Variants in DOCK11 observed in about 807,000 individuals in gnomAD.
DOCK11 encodes dedicator of cytokinesis 11, also known as dedicator of cytokinesis protein 11.
Under a neutral mutation model 169.1 loss-of-function variants are expected in DOCK11, and 70 were observed. The ratio of observed to expected loss-of-function variants is 0.41; its 90% CI spans 0.34 to 0.51. DOCK11 has a LOEUF of 0.51. DOCK11 is among the 20% of genes least tolerant of loss of function. The pLI, the probability that DOCK11 is intolerant of heterozygous loss-of-function variation, is 0.10. For missense variants in DOCK11, 1,166 were observed against 1,538.8 expected (o/e 0.76, Z 4.05); for synonymous variants, 529 against 541.3 (o/e 0.98, Z 0.32).
intron 1 of DOCK11, among the ~76,000 whole-genome samples, chrX:118,529,938 A>C (rs1343707135): frequency 8.9e-6 from 1 of 111,751 alleles, no homozygotes; most frequent in African/African-American, 3.3e-5. Flanking sequence ...ATCACAAGGG[A>C]TCTAATAAGC....
At chrX:118,681,307 G>A (rs2016737798) in intron 50 of DOCK11, 59 bp downstream of exon 50, 3 of 1,022,302 alleles carry the variant, frequency 2.9e-6, no homozygotes, top group Middle Eastern at 2.8e-4. Context: ...GGTTTTATAA[G>A]GGCACAGAGC....
intron 40 of DOCK11, among the ~76,000 whole-genome samples, chrX:118,645,930 C>CGCA (rs2015648916): frequency 9.5e-6 from 1 of 104,865 alleles, no homozygotes; most frequent in Non-Finnish European, 2.0e-5. Flanking sequence ...GTGGCAGGTG[C>CGCA]CTGTAGTCCC....
intron 1 of DOCK11, among the ~76,000 whole-genome samples, chrX:118,515,326 C>A (rs1011384813): frequency 2.7e-5 from 3 of 112,101 alleles, no homozygotes; most frequent in African/African-American, 9.7e-5. Context: ...CTCCGCCTCT[C>A]GAGTTCAAGC....
intron 18 of DOCK11, 94 bp downstream of exon 18, chrX:118,588,572 A>T: frequency 1.5e-6 from 1 of 660,633 alleles, no homozygotes; most frequent in South Asian, 4.4e-5. Flanking sequence ...TTGTATCAAC[A>T]TCAAAAAGAA....
chrX:118,507,590 T>G (rs1213468949), intron 1 of DOCK11, among the ~76,000 whole-genome samples: 2 of 111,839 alleles, frequency 1.8e-5, no homozygotes, highest in African/African-American at 6.5e-5. Flanking sequence ...CCTCAGGTGA[T>G]CCATCCGCCT....
intron 1 of DOCK11, among the ~76,000 whole-genome samples, chrX:118,496,345 G>T (rs1050096296): frequency 4.2e-4 from 47 of 112,089 alleles, no homozygotes; most frequent in African/African-American, 1.4e-3. Context: ...GGAGGCGGAG[G>T]CGGAGGCTCC....
intron 38 of DOCK11, among the ~76,000 whole-genome samples, chrX:118,640,931 T>C (rs1436181550): frequency 9.0e-6 from 1 of 110,805 alleles, no homozygotes; most frequent in Non-Finnish European, 1.9e-5. Context: ...GTAGCTGGGA[T>C]TGTAGGTACG....
intron 40 of DOCK11, among the ~76,000 whole-genome samples, chrX:118,648,363 T>C (rs1340690629): frequency 1.1e-5 from 1 of 94,571 alleles, no homozygotes; most frequent in African/African-American, 3.8e-5. Context: ...GAATGATGGG[T>C]CTCAAATGGG....
intron 6 of DOCK11, among the ~76,000 whole-genome samples, chrX:118,553,959 G>C (rs1380122338): frequency 9.0e-6 from 1 of 111,670 alleles, no homozygotes; most frequent in Non-Finnish European, 1.9e-5. Flanking sequence ...ATATGTGTCA[G>C]ACACTATTGG....
intron 31 of DOCK11, 135 bp downstream of exon 31, chrX:118,618,863 T>C: frequency 1.9e-6 from 1 of 522,597 alleles, no homozygotes; most frequent in Non-Finnish European, 2.8e-6. Context: ...AAATCATAAG[T>C]TGTTTTTTTT....
chrX:118,565,987 A>G lies in DOCK11; in HGVS notation c.694-18A>G. The G allele has an allele frequency of 8.3e-7, 1 of 1,203,197 alleles. No individual in the cohort carries two copies. Among genetic ancestry groups the G allele is most frequent in the Non-Finnish European group, 1.1e-6 (1 of 889,628 alleles). ...GGACAACTAAACTAACTGAACACAT[A>G]CTTTTTCTCCCCTCTAGTGCCCCAA... On this transcript the variant is annotated intron_variant, in intron 7 of 52. Transcript: ENST00000276202.
rs142027402 is a variant in DOCK11 at position 118,523,833 on chromosome X, G to A, written c.103-18892G>A. On this transcript the variant is annotated intron_variant, in intron 1 of 52. Transcript: ENST00000276202. ...GTTCGAAGGCCCATTTTGCAGGGGGGACTGAAGAGAAAGGAAATAAGGGGC... is the reference window on the plus strand; with the variant it reads ...GTTCGAAGGCCCATTTTGCAGGGGGAACTGAAGAGAAAGGAAATAAGGGGC... Among the ~76,000 whole-genome samples the A allele has an allele frequency of 6.9e-3, 768 of 111,575 alleles. 9 individuals are homozygous for A. Among genetic ancestry groups the A allele is most frequent in the African/African-American group, 0.023 (718 of 30,740 alleles).
rs1372943002 is a variant in DOCK11, at chrX:118,643,579, A to G, written c.4383A>G (p.Arg1461=). The G allele has an allele frequency of 8.3e-7, 1 of 1,209,042 alleles. No individual in the cohort carries two copies. Among genetic ancestry groups the G allele is most frequent in the Admixed American group, 2.2e-5 (1 of 45,505 alleles). The change falls in exon 40 of 53, where the codon AGA becomes AGG. Residue 1461 remains arginine (R), a synonymous_variant. Coordinates refer to ENST00000276202, the MANE Select transcript of DOCK11 (RefSeq NM_144658.4). The part of the protein sequence containing the change: ...VSLKHVFASL[R]AFISKFPSAF... ...TGAAACATGTATTTGCCTCACTGAG[A>G]GCTTTCATCAGTAAGGTAAGGACAG...
chrX:118,685,772 C>T lies in DOCK11; in HGVS notation c.6187C>T (p.Arg2063Ter), dbSNP rs780615407. Residue 2063 changes from arginine to a stop codon, truncating the protein, a stop_gained, in exon 53 of 53, where the codon CGA (arginine) becomes TGA (stop). Coordinates refer to ENST00000276202, the MANE Select transcript of DOCK11 (RefSeq NM_144658.4). LOFTEE classifies it high-confidence loss of function. ...TGCAATTAGTGGTACATCAAGTGACCGAGGTTATGGTTCCCCAAGATACGC... is the reference window on the plus strand; with the variant it reads ...TGCAATTAGTGGTACATCAAGTGACTGAGGTTATGGTTCCCCAAGATACGC... Reference protein sequence around the residue: ...FCAISGTSSDRGYGSPRYAEV With the variant: ...FCAISGTSSD 8.3e-7 allele frequency: 1 copy of T among 1,210,890 alleles called. No homozygotes were observed. Among genetic ancestry groups the T allele is most frequent in the Non-Finnish European group, 1.1e-6 (1 of 895,024 alleles).
At chrX:118,623,690 A>C (rs1156466002) in intron 31 of DOCK11, among the ~76,000 whole-genome samples, 1 of 113,212 alleles carries the variant, frequency 8.8e-6, no homozygotes, top group Non-Finnish European at 1.9e-5. Context: ...GTTCAACCTC[A>C]ATAGTAAATG....
intron 36 of DOCK11, 22 bp from the exon 37 acceptor site, chrX:118,638,058 A>T (rs374616160): frequency 8.6e-7 from 1 of 1,166,647 alleles, no homozygotes; most frequent in East Asian, 3.0e-5. Context: ...TATTACTAAC[A>T]TGCTATTGTT....
At chrX:118,565,519 C>T (rs1206687207) in intron 7 of DOCK11, among the ~76,000 whole-genome samples, 1 of 111,743 alleles carries the variant, frequency 8.9e-6, no homozygotes, top group Non-Finnish European at 1.9e-5. Flanking sequence ...TGATACTATG[C>T]GTGGTAAAAT....
rs1300617761 is a variant in DOCK11, at chrX:118,516,087, C to CT, written c.102+20019dup. On this transcript the variant is annotated intron_variant, in intron 1 of 52. Coordinates refer to ENST00000276202, the MANE Select transcript of DOCK11 (RefSeq NM_144658.4). ...CTTTCTTTCTTTTTTCTTTTCTTTT[C>CT]TTTTTCTTTTTTTTTTTTTTTTTGT... Among the ~76,000 whole-genome samples the CT allele has an allele frequency of 9.1e-4, 58 of 63,696 alleles. 4 individuals are homozygous for CT. Among genetic ancestry groups the CT allele is most frequent in the African/African-American group, 4.0e-3 (56 of 14,031 alleles). 55.3% of individuals were successfully genotyped at this position (63,696 alleles called of 115,157 possible).
intron 45 of DOCK11, among the ~76,000 whole-genome samples, chrX:118,664,406 A>G (rs1220157859): frequency 2.7e-5 from 3 of 111,665 alleles, no homozygotes; most frequent in South Asian, 3.7e-4. Context: ...CTGTAATCCC[A>G]GTACTTTGGG....
Sources: gnomAD v4.1 joint callset for allele counts (sites outside exome capture counted in the v4.1 genomes callset) on GRCh38, gnomAD v4.1.1 for gene constraint, MANE v1.5 for transcripts, NCBI Gene and HGNC (gene_info 2026-07-23, HGNC 2026-07-21) for gene names.